The following KCNJ1 variants were observed in gnomAD, a reference collection of about 807,000 sequenced individuals.
KCNJ1 encodes ATP-sensitive inward rectifier potassium channel 1.
KCNJ1 carries 24 observed loss-of-function variants against 21.9 expected under a neutral mutation model. The observed-to-expected ratio is 1.10, with a 90% CI of 0.79 to 1.54. KCNJ1 has a LOEUF of 1.54. KCNJ1 is among the 40% of genes most tolerant of loss of function. The pLI, the probability that KCNJ1 is intolerant of heterozygous loss-of-function variation, is 0.00. For synonymous variants in KCNJ1, 152 were observed against 160.9 expected (o/e 0.94, Z 0.42); for missense variants, 457 against 455.4 (o/e 1.00, Z -0.03).
chr11:128,841,143 G>A (rs889829347), intron 2 of KCNJ1, among the ~76,000 whole-genome samples: 1 of 152,036 alleles, frequency 6.6e-6, no homozygotes, highest in Admixed American at 6.6e-5. Flanking sequence ...CTCTCCCCAC[G>A]GTTTCCCAAG....
chr11:128,842,299 C>T, intron 2 of KCNJ1: 10 of 1,441,570 alleles, frequency 6.9e-6, no homozygotes, highest in South Asian at 3.5e-5. Flanking sequence ...ACTTGAATAA[C>T]GTTGAGTTTC....
intron 1 of KCNJ1, among the ~76,000 whole-genome samples, chr11:128,861,936 G>A (rs772793236): frequency 8.5e-5 from 13 of 152,076 alleles, no homozygotes; most frequent in Non-Finnish European, 1.6e-4. Flanking sequence ...TGAGAAAGCA[G>A]TTTCAGCCCC....
At chr11:128,847,130 A>C (rs1462327795) in intron 2 of KCNJ1, among the ~76,000 whole-genome samples, 2 of 152,176 alleles carry the variant, frequency 1.3e-5, no homozygotes, top group African/African-American at 2.4e-5. Context: ...ACTCCCTAAC[A>C]GCCCCTAATC....
In KCNJ1 at chr11:128,839,704, C is replaced by T. The variant is rs1308467786; in HGVS notation, c.540G>A (p.Val180=). The T allele has an allele frequency of 1.2e-6, 2 of 1,613,296 alleles. No homozygotes were observed. Among genetic ancestry groups the T allele is most frequent in the Non-Finnish European group, 1.7e-6 (2 of 1,179,728 alleles). The change falls in exon 3 of 3, where the codon GTG becomes GTA. Residue 180 remains valine, a synonymous_variant. Coordinates refer to ENST00000392666, the MANE Select transcript of KCNJ1 (RefSeq NM_153766.3). The part of the protein sequence containing the change: ...AKTITFSKNA[V]ISKRGGKLCL... ...AAAGCTTCCCTCCCCGTTTGCTGAT[C>T]ACTGCGTTCTTGCTGAACGTAATGG...
At chr11:128,848,287 CAAAAAAAAAAAAA>C (rs1002326097) in intron 2 of KCNJ1, among the ~76,000 whole-genome samples, 1 of 48,894 alleles carries the variant, frequency 2.0e-5, no homozygotes. Flanking sequence ...GACTCCGTCT[CAAAAAAAAAAAAA>C]AAAAAAAAAA....
intron 1 of KCNJ1, among the ~76,000 whole-genome samples, chr11:128,863,574 T>C (rs867948711): frequency 6.6e-6 from 1 of 152,184 alleles, no homozygotes; most frequent in Non-Finnish European, 1.5e-5. Flanking sequence ...CAGATTTACA[T>C]TTTTCCTAGG....
intron 1 of KCNJ1, among the ~76,000 whole-genome samples, chr11:128,865,601 C>T (rs1290616967): frequency 6.6e-6 from 1 of 152,152 alleles, no homozygotes; most frequent in Admixed American, 6.5e-5. Context: ...CAGGATCAAA[C>T]TGCCAGGCCA....
At chr11:128,860,148 G>T (rs944402804) in intron 1 of KCNJ1, among the ~76,000 whole-genome samples, 2 of 152,248 alleles carry the variant, frequency 1.3e-5, no homozygotes, top group African/African-American at 4.8e-5. Context: ...TTTCTCATCT[G>T]TCAGATGACA....
At chr11:128,849,561 AG>A (rs1943445658) in intron 2 of KCNJ1, among the ~76,000 whole-genome samples, 1 of 152,170 alleles carries the variant, frequency 6.6e-6, no homozygotes, top group South Asian at 2.1e-4. Flanking sequence ...GTTGGATCTG[AG>A]GGTGTGTGTT....
intron 1 of KCNJ1, among the ~76,000 whole-genome samples, chr11:128,852,952 G>A (rs951045659): frequency 2.0e-5 from 3 of 152,236 alleles, no homozygotes; most frequent in South Asian, 2.1e-4. Flanking sequence ...GCCTGCTGAC[G>A]CACTTTCTCT....
chr11:128,842,101 A>G (rs1221825639), intron 2 of KCNJ1, among the ~76,000 whole-genome samples: 1 of 152,240 alleles, frequency 6.6e-6, no homozygotes, highest in Non-Finnish European at 1.5e-5. Context: ...AGTAAATTCT[A>G]AAACCAACAT....
intron 1 of KCNJ1, among the ~76,000 whole-genome samples, chr11:128,864,555 A>G (rs950203117): frequency 6.6e-6 from 1 of 152,126 alleles, no homozygotes; most frequent in African/African-American, 2.4e-5. Context: ...GCTATTTCAC[A>G]GCAGTACTAA....
At chr11:128,841,460 A>T (rs776842275) in intron 2 of KCNJ1, among the ~76,000 whole-genome samples, 25 of 152,334 alleles carry the variant, frequency 1.6e-4, no homozygotes, top group Admixed American at 3.9e-4. Context: ...GGCCTGTCCC[A>T]TAAACACCTG....
intron 1 of KCNJ1, among the ~76,000 whole-genome samples, chr11:128,857,208 G>A (rs1001337325): frequency 6.6e-6 from 1 of 152,122 alleles, no homozygotes; most frequent in African/African-American, 2.4e-5. Context: ...ATGTCGCTAG[G>A]GACCTAGCTC....
chr11:128,840,129 C>T lies in KCNJ1; in HGVS notation c.115G>A (p.Ala39Thr). Residue 39 changes from alanine (A) to threonine (T), a missense_variant, in exon 3 of 3, where the codon GCA (alanine) becomes ACA (threonine). Ala to Thr is a moderately conservative substitution (Grantham distance 58, BLOSUM62 0). Transcript: ENST00000392666. ...ACAAAGAATATAAACCTTGACTGTG[C>T]CTCCACATTGCCAAATTCTATGTTG... ...RCNIEFGNVEAQSRFIFFVDI... is the reference protein window; with the variant it reads ...RCNIEFGNVETQSRFIFFVDI... 1 of 1,614,144 alleles carries T rather than the reference C, an allele frequency of 6.2e-7. No individual in the cohort carries two copies. The highest frequency in any genetic ancestry group is 8.5e-7 in the Non-Finnish European group (1 of 1,180,026).
intron 2 of KCNJ1, among the ~76,000 whole-genome samples, chr11:128,846,764 T>C (rs747893540): frequency 6.6e-6 from 1 of 152,056 alleles, no homozygotes; most frequent in African/African-American, 2.4e-5. Flanking sequence ...TTAACTAGGA[T>C]TGGATCTGTG....
At position 128,839,123 on chromosome 11, in the gene KCNJ1, T is replaced by G; in HGVS notation, c.*2A>C. The G allele has an allele frequency of 6.2e-7, 1 of 1,613,162 alleles. No individual in the cohort carries two copies. The highest frequency in any genetic ancestry group is 8.5e-7 in the Non-Finnish European group (1 of 1,179,800). On this transcript the variant is annotated 3_prime_UTR_variant, in exon 3 of 3. Coordinates refer to ENST00000392666, the MANE Select transcript of KCNJ1 (RefSeq NM_153766.3). ...TGCTTTACTCCCGTTGAAAAGCCAC[T>G]GTTACATTTTGGTGTCATCTGTTTC... is the stretch of plus-strand genomic sequence containing the variant.
intron 1 of KCNJ1, among the ~76,000 whole-genome samples, chr11:128,858,354 C>T (rs1340505795): frequency 5.3e-5 from 8 of 152,130 alleles, no homozygotes; most frequent in Non-Finnish European, 8.8e-5. Flanking sequence ...GAAAAACAGG[C>T]AAGAACAGTT....
At position 128,839,941 on chromosome 11, in the gene KCNJ1, G is replaced by A. The variant is rs1301070689; in HGVS notation, c.303C>T (p.Pro101=). 3.1e-6 allele frequency: 5 copies of A among 1,613,842 alleles called. No individual in the cohort carries two copies. Among genetic ancestry groups the A allele is most frequent in the Non-Finnish European group, 4.2e-6 (5 of 1,179,852 alleles). Residue 101 remains proline, a synonymous_variant, in exon 3 of 3, where the codon CCC becomes CCT. Transcript: ENST00000392666. ...TCAAGCCATTAATATTCTCCACACA[G>A]GGAGTGTGATTGGCAGAAGGATGGA... ...PEFHPSANHT[P]CVENINGLTS...
Sources: allele counts gnomAD v4.1 joint callset (sites outside exome capture counted in the v4.1 genomes callset), GRCh38; gene constraint gnomAD v4.1.1; transcripts MANE v1.5; gene names NCBI Gene and HGNC (gene_info 2026-07-23, HGNC 2026-07-21).